KCNJ6: variants seen among roughly 807,000 people sequenced by gnomAD.
KCNJ6 encodes G protein-activated inward rectifier potassium channel 2.
In KCNJ6, 9 loss-of-function variants were observed where a neutral mutation model predicts 34.2. That is an observed-to-expected ratio of 0.26 (90% confidence interval 0.16 to 0.46). The LOEUF (loss-of-function observed/expected upper bound fraction) is 0.46. Among genes scored for constraint, KCNJ6 ranks in the 20% least tolerant of loss-of-function variants. The probability of loss-of-function intolerance (pLI) is 1.00; values close to 1 mark genes in which losing one functional copy is unlikely to be tolerated. For missense variants in KCNJ6, 236 were observed against 531.3 expected, an observed-to-expected ratio of 0.44 and a Z score of 5.46; for synonymous variants, 196 against 207.1, an observed-to-expected ratio of 0.95 and a Z score of 0.46.
Position 37,656,161 on chromosome 21 carries a change from C to G in KCNJ6, c.947-30677G>C, listed in dbSNP as rs546671249. Among the ~76,000 whole-genome samples, 88 of 152,332 alleles carry G rather than the reference C, an allele frequency of 5.8e-4. 2 individuals carry two copies. Among genetic ancestry groups the G allele is most frequent in the African/African-American group, 1.9e-3 (79 of 41,576 alleles). On this transcript the variant is annotated intron_variant, in intron 3 of 3. Coordinates refer to ENST00000609713, the MANE Select transcript of KCNJ6 (RefSeq NM_002240.5). Reference sequence around the variant, plus strand: ...AAATGATACACCCCTGCTCCACAGGCTGGCATCAGCTGGCCACACCCCTTC... The same window carrying G: ...AAATGATACACCCCTGCTCCACAGGGTGGCATCAGCTGGCCACACCCCTTC...
At position 37,619,026 on chromosome 21, in the gene KCNJ6, C is replaced by G. The variant is rs1171693179; in HGVS notation, c.*6133G>C. 6.6e-6 allele frequency: 1 copy of G among 152,190 alleles called. No individual in the cohort carries two copies. The highest frequency in any genetic ancestry group is 1.5e-5 in the Non-Finnish European group (1 of 68,046). The allele number at this position is 152,190 out of a possible 1,614,324, so 9.4% of individuals were successfully genotyped here. A position where few individuals can be genotyped will look rare whatever the true frequency, so the allele number is the denominator to read the frequency against. Reference sequence around the variant, plus strand: ...AAGGGTCACAAGCTTTTTGCATGATCTATATTGTAGATACCATTACCTACT... The same window carrying G: ...AAGGGTCACAAGCTTTTTGCATGATGTATATTGTAGATACCATTACCTACT... On this transcript the variant is annotated 3_prime_UTR_variant, in exon 4 of 4. Coordinates refer to ENST00000609713, the MANE Select transcript of KCNJ6 (RefSeq NM_002240.5).
chr21:37,785,421 C>T (rs535702165), intron 2 of KCNJ6, among the ~76,000 whole-genome samples: 20 of 152,316 alleles, frequency 1.3e-4, no homozygotes, highest in Admixed American at 3.9e-4. Flanking sequence ...TCACCGTGAT[C>T]CTCTTATCAC....
At chr21:37,667,477 C>G (rs1255156769) in intron 3 of KCNJ6, among the ~76,000 whole-genome samples, 1 of 151,912 alleles carries the variant, frequency 6.6e-6, no homozygotes, top group African/African-American at 2.4e-5. Flanking sequence ...GTAGTAGGCG[C>G]CGGGGTAGCG....
chr21:37,685,482 A>T (rs1339354515), intron 3 of KCNJ6, among the ~76,000 whole-genome samples: 1 of 118,686 alleles, frequency 8.4e-6, no homozygotes, highest in African/African-American at 2.9e-5. Flanking sequence ...GAGATTGAGA[A>T]CATCCTGGCT....
intron 2 of KCNJ6, among the ~76,000 whole-genome samples, chr21:37,816,858 G>A (rs149317414): frequency 5.3e-5 from 8 of 152,202 alleles, no homozygotes; most frequent in East Asian, 1.9e-4. Context: ...CAAGCCCCCC[G>A]TCCCCTATCC....
chr21:37,693,187 C>T (rs1412864619), intron 3 of KCNJ6, among the ~76,000 whole-genome samples: 3 of 152,138 alleles, frequency 2.0e-5, no homozygotes, highest in Admixed American at 2.0e-4. Context: ...ATAGATGGTA[C>T]CAAGTGCTAT....
chr21:37,914,336 T>C (rs1313460660), intron 1 of KCNJ6, among the ~76,000 whole-genome samples: 2 of 152,098 alleles, frequency 1.3e-5, no homozygotes, highest in African/African-American at 2.4e-5. Context: ...TGCAGACAGG[T>C]GAGGCTTCAC....
intron 3 of KCNJ6, among the ~76,000 whole-genome samples, chr21:37,659,997 A>C (rs139911702): frequency 6.6e-6 from 1 of 152,246 alleles, no homozygotes. Flanking sequence ...AAGTGTTCAG[A>C]GGTCAAAAGA....
Position 37,715,084 on chromosome 21 carries a change from C to T in KCNJ6, c.73G>A (p.Val25Met), listed in dbSNP as rs781654988. 1 of 1,614,190 alleles carries T rather than the reference C, an allele frequency of 6.2e-7. No homozygotes were observed. Among genetic ancestry groups the T allele is most frequent in the East Asian group, 2.2e-5 (1 of 44,886 alleles). Residue 25 changes from valine (V) to methionine (M), a missense_variant, in exon 3 of 4, where the codon GTG becomes ATG. Around this residue, in one of 5 missense-constraint regions of KCNJ6, gnomAD observed 64 missense variants for 68.9 expected, o/e 0.93. Transcript: ENST00000609713. Reference protein sequence around the residue: ...DSMDQDVESPVAIHQPKLPKQ... With the variant: ...DSMDQDVESPMAIHQPKLPKQ... ...GGCAACTTTGGCTGGTGAATGGCCA[C>T]TGGGCTTTCGACGTCCTGATCCATG...
intron 1 of KCNJ6, among the ~76,000 whole-genome samples, chr21:37,896,995 G>A (rs145374633): frequency 1.3e-3 from 197 of 152,346 alleles, no homozygotes; most frequent in African/African-American, 4.6e-3. Context: ...GCCAGAAGCC[G>A]GGGCTCCTGC....
intron 2 of KCNJ6, among the ~76,000 whole-genome samples, chr21:37,788,467 T>C (rs943377702): frequency 1.3e-5 from 2 of 152,216 alleles, no homozygotes; most frequent in African/African-American, 4.8e-5. Flanking sequence ...CTGTGAAAGA[T>C]TGTAAAAATG....
chr21:37,842,682 C>T (rs927459097), intron 1 of KCNJ6, among the ~76,000 whole-genome samples: 5 of 152,180 alleles, frequency 3.3e-5, no homozygotes, highest in Non-Finnish European at 5.9e-5. Flanking sequence ...AGTAGAGAGG[C>T]TAAGTGTCAC....
At chr21:37,743,031 C>T (rs1219712624) in intron 2 of KCNJ6, among the ~76,000 whole-genome samples, 1 of 152,192 alleles carries the variant, frequency 6.6e-6, no homozygotes, top group East Asian at 1.9e-4. Flanking sequence ...TCAGACTTGC[C>T]CTTCCCTGGA....
At chr21:37,903,187 A>G (rs752131324) in intron 1 of KCNJ6, among the ~76,000 whole-genome samples, 11 of 152,278 alleles carry the variant, frequency 7.2e-5, no homozygotes, top group Non-Finnish European at 1.3e-4. Context: ...TTGAATTGTA[A>G]TAATCCCCAT....
At chr21:37,748,751 C>G (rs2054979903) in intron 2 of KCNJ6, among the ~76,000 whole-genome samples, 1 of 152,180 alleles carries the variant, frequency 6.6e-6, no homozygotes, top group Admixed American at 6.5e-5. Flanking sequence ...TCACTTTATG[C>G]AAATTCATAC....
intron 2 of KCNJ6, among the ~76,000 whole-genome samples, chr21:37,827,509 A>C (rs903070301): frequency 6.7e-6 from 1 of 148,788 alleles, no homozygotes; most frequent in Non-Finnish European, 1.5e-5. Flanking sequence ...TCATAGAGTG[A>C]CATCATAACC....
chr21:37,859,487 T>TATATATATA (rs2055582251), intron 1 of KCNJ6, among the ~76,000 whole-genome samples: 35 of 84,278 alleles, frequency 4.2e-4, no homozygotes, highest in African/African-American at 1.5e-3. Context: ...TTATATTACT[T>TATATATATA]TATATATATA....
Position 37,625,129 on chromosome 21 carries a change from G to A in KCNJ6, c.*30C>T, listed in dbSNP as rs768519286. The stretch of plus-strand genomic sequence containing the variant: ...AGACAAGGAAAGATTGTGTTGGGGG[G>A]AGAAGAGAAGGGTTTGCCCAGCTAG... On this transcript the variant is annotated 3_prime_UTR_variant, in exon 4 of 4. Coordinates refer to ENST00000609713, the MANE Select transcript of KCNJ6 (RefSeq NM_002240.5). 1.6e-5 allele frequency: 23 copies of A among 1,443,310 alleles called. No homozygotes were observed. Among genetic ancestry groups the A allele is most frequent in the Middle Eastern group, 1.8e-4 (1 of 5,690 alleles). The allele number at this position is 1,443,310 out of a possible 1,614,324, so 89.4% of individuals were successfully genotyped here.
chr21:37,709,875 G>C (rs1404607137), intron 3 of KCNJ6, among the ~76,000 whole-genome samples: 1 of 152,220 alleles, frequency 6.6e-6, no homozygotes, highest in Non-Finnish European at 1.5e-5. Flanking sequence ...GTGATGGGTT[G>C]CCTTCACCTA....
Sources: allele counts gnomAD v4.1 joint callset (sites outside exome capture counted in the v4.1 genomes callset), GRCh38; gene constraint gnomAD v4.1.1; regional missense constraint gnomAD v4.1.1; transcripts MANE v1.5; gene names NCBI Gene and HGNC (gene_info 2026-07-23, HGNC 2026-07-21).